Variants in BCORL1 observed in about 807,000 individuals in gnomAD.
The protein encoded by BCORL1 is BCL6 corepressor like 1.
BCORL1 carries 7 observed loss-of-function variants against 87.6 expected under a neutral mutation model. That is an observed-to-expected ratio of 0.08 (90% CI 0.05 to 0.15). The LOEUF is 0.15. Among genes scored for constraint, BCORL1 ranks in the 10% least tolerant of loss-of-function variants. The pLI is 1.00. For missense variants in BCORL1, 1,215 were observed against 1,499.7 expected (o/e 0.81, Z 3.13); for synonymous variants, 591 against 634.4 (o/e 0.93, Z 1.03).
chrX:130,038,866 C>T (rs1446262456), intron 10 of BCORL1, among the ~76,000 whole-genome samples: 1 of 111,424 alleles, frequency 9.0e-6, no homozygotes, highest in Admixed American at 9.6e-5. Context: ...TACATTGTGC[C>T]ATGGGAACTG....
At chrX:129,985,223 T>G (rs1351944745) in intron 1 of BCORL1, among the ~76,000 whole-genome samples, 1 of 111,566 alleles carries the variant, frequency 9.0e-6, no homozygotes, top group African/African-American at 3.3e-5. Flanking sequence ...GCATTTGGGG[T>G]TGGGAGTGGA....
At chrX:130,026,148 T>G (rs1930232957) in intron 7 of BCORL1, among the ~76,000 whole-genome samples, 1 of 111,873 alleles carries the variant, frequency 8.9e-6, no homozygotes, top group African/African-American at 3.3e-5. Context: ...TCTTTGGGTT[T>G]TATAAGAACA....
intron 8 of BCORL1, 46 bp downstream of exon 8, chrX:130,028,907 G>A: frequency 2.4e-6 from 1 of 415,971 alleles, no homozygotes; most frequent in Non-Finnish European, 3.8e-6. Context: ...TGTGGCGGGG[G>A]GTCAGAGGAG....
intron 11 of BCORL1, among the ~76,000 whole-genome samples, chrX:130,039,839 C>T (rs1296589377): frequency 1.8e-5 from 2 of 112,874 alleles, no homozygotes; most frequent in Non-Finnish European, 3.8e-5. Context: ...CCTCACCTGC[C>T]CCTTCTGTAA....
intron 1 of BCORL1, among the ~76,000 whole-genome samples, chrX:130,000,896 T>TTGTGTG (rs61288678): frequency 4.2e-4 from 41 of 98,241 alleles, no homozygotes; most frequent in South Asian, 9.6e-4. Context: ...GGTGGATGCT[T>TTGTGTG]TGTGTGTGTG....
intron 1 of BCORL1, among the ~76,000 whole-genome samples, chrX:129,989,775 ACT>A (rs1000891610): frequency 1.1e-5 from 1 of 94,225 alleles, no homozygotes; most frequent in Non-Finnish European, 2.1e-5. Context: ...TCTTCACTTA[ACT>A]CTCTTTGTTT....
At chrX:130,011,002 T>TAAAAAAAAAA (rs1186630415) in intron 2 of BCORL1, among the ~76,000 whole-genome samples, 3 of 19,085 alleles carry the variant, frequency 1.6e-4, no homozygotes, top group Non-Finnish European at 1.9e-4. Flanking sequence ...AGATTCAATC[T>TAAAAAAAAAA]AAAAAAAAAA....
At position 130,057,831 on chromosome X, in the gene BCORL1, T is replaced by G. The variant is rs1055424695; in HGVS notation, c.*1695T>G. The G allele has an allele frequency of 9.3e-6, 1 of 107,813 alleles. No homozygotes were observed. Among genetic ancestry groups the G allele is most frequent in the Non-Finnish European group, 1.9e-5 (1 of 52,228 alleles). 8.9% of individuals were successfully genotyped at this position (107,813 alleles called of 1,213,427 possible). On this transcript the variant is annotated 3_prime_UTR_variant, in exon 14 of 14. Coordinates refer to ENST00000540052, the MANE Select transcript of BCORL1 (RefSeq NM_001379451.1). ...CCCCACCATACTGCCCAGTTGGTTT[T>G]GAACAGTTGTTTTCCCTTTTTAAGA...
intron 1 of BCORL1, among the ~76,000 whole-genome samples, chrX:129,986,700 T>G: frequency 9.0e-6 from 1 of 111,103 alleles, no homozygotes; most frequent in Non-Finnish European, 1.9e-5. Context: ...GTGCCTGTAA[T>G]CCTAGCTACT....
At chrX:130,023,827 T>C (rs1443188296) in intron 6 of BCORL1, among the ~76,000 whole-genome samples, 1 of 113,029 alleles carries the variant, frequency 8.8e-6, no homozygotes, top group Non-Finnish European at 1.9e-5. Context: ...ATGATGATTC[T>C]GTATTAACCA....
intron 1 of BCORL1, among the ~76,000 whole-genome samples, chrX:129,998,369 G>A (rs745662280): frequency 9.1e-6 from 1 of 109,802 alleles, no homozygotes; most frequent in Non-Finnish European, 1.9e-5. Context: ...GGGTGGTGGG[G>A]GGAGGTGGGA....
intron 2 of BCORL1, among the ~76,000 whole-genome samples, chrX:130,007,062 G>A (rs895349417): frequency 8.9e-6 from 1 of 111,968 alleles, no homozygotes; most frequent in African/African-American, 3.2e-5. Context: ...GCGCATATAG[G>A]GGAGTATTGG....
intron 1 of BCORL1, among the ~76,000 whole-genome samples, chrX:129,990,407 A>AT (rs1325553084): frequency 2.8e-5 from 3 of 108,810 alleles, no homozygotes; most frequent in Non-Finnish European, 5.7e-5. Context: ...AATTTTTTGT[A>AT]TTTTTAGTAG....
At position 130,021,373 on chromosome X, in the gene BCORL1, A is replaced by G. The variant is rs148735580; in HGVS notation, c.3607+223A>G. 3.3e-5 allele frequency: 21 copies of G among 631,021 alleles called. No homozygotes were observed. The East Asian group carries it at 3.3e-3, about 100-fold the overall frequency. 52.0% of individuals were successfully genotyped at this position (631,021 alleles called of 1,213,427 possible). ...TGGGTGCTAGAATAAGGCTGAAGGAAGTGGTTTTCCGACACAAACACCAGG... is the reference window on the plus strand; with the variant it reads ...TGGGTGCTAGAATAAGGCTGAAGGAGGTGGTTTTCCGACACAAACACCAGG... On this transcript the variant is annotated intron_variant, in intron 5 of 13. Coordinates refer to ENST00000540052, the MANE Select transcript of BCORL1 (RefSeq NM_001379451.1).
intron 9 of BCORL1, among the ~76,000 whole-genome samples, chrX:130,036,687 C>T (rs1223803512): frequency 8.9e-6 from 1 of 112,582 alleles, no homozygotes; most frequent in Admixed American, 9.4e-5. Flanking sequence ...TGAATTGCCA[C>T]CAGAGGCTGT....
At chrX:130,024,245 G>A (rs768921579) in intron 6 of BCORL1, among the ~76,000 whole-genome samples, 2 of 111,144 alleles carry the variant, frequency 1.8e-5, no homozygotes, top group South Asian at 3.8e-4. Context: ...AGGGGGAAGC[G>A]CTTGCCCAGC....
At chrX:129,983,435 G>T (rs1393073955) in intron 1 of BCORL1, among the ~76,000 whole-genome samples, 1 of 101,143 alleles carries the variant, frequency 9.9e-6, no homozygotes, top group Non-Finnish European at 2.0e-5. Flanking sequence ...TTGGGGGGGG[G>T]GGGTGTCCGT....
chrX:130,041,011 C>T (rs1286314317), intron 11 of BCORL1, among the ~76,000 whole-genome samples: 1 of 110,855 alleles, frequency 9.0e-6, no homozygotes, highest in Non-Finnish European at 1.9e-5. Context: ...GAACTCTTTG[C>T]TTCCCCAATC....
At position 130,029,168 on chromosome X, in the gene BCORL1, C is replaced by T. The variant is rs910229554; in HGVS notation, c.4305+307C>T. ...TAACATCCAATCAAGAAGCTTTTGT[C>T]TGGGTTTAACTTACTGGAAACCAAT... is the stretch of plus-strand genomic sequence containing the variant. On this transcript the variant is annotated intron_variant, in intron 8 of 13. Transcript: ENST00000540052. 3.8e-4 allele frequency among the ~76,000 whole-genome samples: 42 copies of T among 111,652 alleles called. No individual in the cohort carries two copies. In the Admixed American group the frequency reaches 3.9e-3, roughly 10 times the overall value.
Sources: allele counts gnomAD v4.1 joint callset (sites outside exome capture counted in the v4.1 genomes callset), GRCh38; gene constraint gnomAD v4.1.1; transcripts MANE v1.5; gene names NCBI Gene and HGNC (gene_info 2026-07-23, HGNC 2026-07-21).